AGBL4: variants seen among roughly 807,000 people sequenced by gnomAD.
AGBL4 encodes AGBL carboxypeptidase 4.
AGBL4 carries 58 observed loss-of-function variants against 66.4 expected under a neutral mutation model. The observed-to-expected ratio is 0.87, with a 90% confidence interval of 0.71 to 1.09. AGBL4 has a LOEUF of 1.09. Ranked by LOEUF, AGBL4 falls within the 50% of genes least tolerant of loss-of-function variation. The probability of loss-of-function intolerance (pLI) is 0.00; values close to 1 mark genes in which losing one functional copy is unlikely to be tolerated. For synonymous variants in AGBL4, 234 were observed against 222.9 expected (o/e 1.05, Z -0.44); for missense variants, 579 against 631.0 (o/e 0.92, Z 0.88).
At chr1:48,643,073 A>G (rs393994) in intron 8 of AGBL4, among the ~76,000 whole-genome samples, 72,421 of 152,064 alleles carry the variant, frequency 0.48, 18,982 homozygotes, top group Middle Eastern at 0.66. Flanking sequence ...GTAAAATGCC[A>G]AGGACACCAT....
chr1:48,960,064 G>T (rs1657830740), intron 5 of AGBL4, among the ~76,000 whole-genome samples: 1 of 152,134 alleles, frequency 6.6e-6, no homozygotes, highest in African/African-American at 2.4e-5. Context: ...GGAGAAGGAG[G>T]CAACAGCAGA....
At chr1:49,728,393 G>A (rs1361301254) in intron 2 of AGBL4, among the ~76,000 whole-genome samples, 1 of 152,102 alleles carries the variant, frequency 6.6e-6, no homozygotes, top group East Asian at 1.9e-4. Context: ...TAGGCCTGAG[G>A]CAATATTAAA....
chr1:49,626,538 A>G (rs769413577), intron 3 of AGBL4, among the ~76,000 whole-genome samples: 8 of 152,116 alleles, frequency 5.3e-5, no homozygotes, highest in Non-Finnish European at 1.0e-4. Context: ...GTAGGAGTCT[A>G]TGCTGTTGAG....
At chr1:48,539,858 T>C (rs1343818934) in intron 11 of AGBL4, 120 bp from the exon 12 acceptor site, 4 of 562,578 alleles carry the variant, frequency 7.1e-6, no homozygotes, top group Non-Finnish European at 1.1e-5. Flanking sequence ...TTCTAAGCTT[T>C]TTGTATGCGC....
chr1:48,652,017 G>A (rs1333362883), intron 8 of AGBL4, among the ~76,000 whole-genome samples: 1 of 152,156 alleles, frequency 6.6e-6, no homozygotes, highest in Non-Finnish European at 1.5e-5. Context: ...TACAGTGGAG[G>A]ACATGCAATG....
At chr1:49,987,161 A>G (rs1055193858) in intron 1 of AGBL4, among the ~76,000 whole-genome samples, 2 of 152,118 alleles carry the variant, frequency 1.3e-5, no homozygotes, top group Non-Finnish European at 2.9e-5. Context: ...ATGCTTTGCA[A>G]GGCATTGTTT....
intron 3 of AGBL4, among the ~76,000 whole-genome samples, chr1:49,689,791 G>T (rs1156712373): frequency 6.6e-6 from 1 of 152,016 alleles, no homozygotes; most frequent in Non-Finnish European, 1.5e-5. Flanking sequence ...TCAGTCCTTT[G>T]GTTAAGTTAA....
Position 49,932,627 on chromosome 1 carries a change from C to A in AGBL4, c.35-81109G>T, listed in dbSNP as rs555797684. Among the ~76,000 whole-genome samples the A allele has an allele frequency of 2.0e-5, 3 of 152,098 alleles. No individual in the cohort carries two copies. In the East Asian group the frequency reaches 5.8e-4, roughly 29 times the overall value. On this transcript the variant is annotated intron_variant, in intron 1 of 13. Coordinates refer to ENST00000371839, the MANE Select transcript of AGBL4 (RefSeq NM_032785.4). ...TAAAACACATATCAAGAATATATAA[C>A]AACCCCTCAAAACTCAAAAATAAGA...
At chr1:49,477,162 A>G (rs1447053152) in intron 3 of AGBL4, among the ~76,000 whole-genome samples, 1 of 152,114 alleles carries the variant, frequency 6.6e-6, no homozygotes, top group Non-Finnish European at 1.5e-5. Flanking sequence ...GAAGGGAAGG[A>G]TATAAACTTG....
chr1:49,262,183 T>C (rs577545726), intron 3 of AGBL4, among the ~76,000 whole-genome samples: 1 of 151,914 alleles, frequency 6.6e-6, no homozygotes, highest in Admixed American at 6.6e-5. Context: ...AGACTTAAAC[T>C]TTAGACCTAA....
intron 4 of AGBL4, among the ~76,000 whole-genome samples, chr1:49,186,099 T>A (rs905615442): frequency 6.6e-6 from 1 of 152,156 alleles, no homozygotes; most frequent in Non-Finnish European, 1.5e-5. Flanking sequence ...ATTTGGCCAT[T>A]CATCTTATGT....
intron 3 of AGBL4, among the ~76,000 whole-genome samples, chr1:49,397,620 G>A (rs1645000227): frequency 6.6e-6 from 1 of 152,254 alleles, no homozygotes; most frequent in South Asian, 2.1e-4. Flanking sequence ...GGGCTAAAAT[G>A]ACAAATTGGT....
chr1:48,892,444 G>A (rs947248929), intron 5 of AGBL4, among the ~76,000 whole-genome samples: 1 of 152,132 alleles, frequency 6.6e-6, no homozygotes, highest in Admixed American at 6.5e-5. Flanking sequence ...GCCACAGGGG[G>A]TCCTGATGAC....
intron 3 of AGBL4, among the ~76,000 whole-genome samples, chr1:49,425,779 TG>T (rs1404620584): frequency 6.6e-6 from 1 of 152,188 alleles, no homozygotes; most frequent in Non-Finnish European, 1.5e-5. Flanking sequence ...GGAGAAACTC[TG>T]GGGTTGAAGC....
intron 6 of AGBL4, among the ~76,000 whole-genome samples, chr1:48,866,141 T>C (rs1047694985): frequency 3.9e-5 from 6 of 152,216 alleles, no homozygotes; most frequent in African/African-American, 1.4e-4. Context: ...CCTAGTTATG[T>C]AGACCAGATA....
chr1:49,919,177 G>A (rs1651921308), intron 1 of AGBL4, among the ~76,000 whole-genome samples: 1 of 152,156 alleles, frequency 6.6e-6, no homozygotes, highest in African/African-American at 2.4e-5. Context: ...ACTGGCACAA[G>A]ACAGGGACGA....
chr1:49,543,328 C>T (rs1473429142), intron 3 of AGBL4, among the ~76,000 whole-genome samples: 1 of 152,058 alleles, frequency 6.6e-6, no homozygotes, highest in Non-Finnish European at 1.5e-5. Context: ...TGTTCTAGTC[C>T]CTGCTCTACT....
intron 1 of AGBL4, among the ~76,000 whole-genome samples, chr1:49,869,736 G>C (rs761354303): frequency 1.3e-5 from 2 of 152,134 alleles, no homozygotes; most frequent in Non-Finnish European, 2.9e-5. Flanking sequence ...ATCTTCACAT[G>C]TATCTTGGAA....
At chr1:48,628,302 C>T (rs926671805) in intron 9 of AGBL4, among the ~76,000 whole-genome samples, 1 of 152,146 alleles carries the variant, frequency 6.6e-6, no homozygotes, top group African/African-American at 2.4e-5. Flanking sequence ...AATTGAGTGG[C>T]TGGAAATGCT....
Sources: allele counts gnomAD v4.1 joint callset (sites outside exome capture counted in the v4.1 genomes callset), GRCh38; gene constraint gnomAD v4.1.1; transcripts MANE v1.5; gene names NCBI Gene and HGNC (gene_info 2026-07-23, HGNC 2026-07-21).